Variants in ZNF385A observed in about 807,000 individuals in gnomAD.
The protein encoded by ZNF385A is hematopoietic zinc finger protein.
ZNF385A carries 14 observed loss-of-function variants against 32.1 expected under a neutral mutation model. The observed-to-expected ratio is 0.44, with a 90% CI of 0.29 to 0.68. ZNF385A has a LOEUF of 0.68. Among genes scored for constraint, ZNF385A ranks in the 30% least tolerant of loss-of-function variants. The pLI is 0.14. For synonymous variants in ZNF385A, 197 were observed against 202.7 expected, an observed-to-expected ratio of 0.97 and a Z score of 0.24; for missense variants, 406 against 478.4, an observed-to-expected ratio of 0.85 and a Z score of 1.41.
chr12:54,388,045 A>AAG (rs1491580592), upstream of ZNF385A, among the ~76,000 whole-genome samples: 4 of 91,418 alleles, frequency 4.4e-5, no homozygotes, highest in African/African-American at 1.3e-4. Context: ...AAGTGTGTGT[A>AAG]AGTGTGTGTG....
intron 3 of ZNF385A, among the ~76,000 whole-genome samples, 174 bp downstream of exon 3, chr12:54,373,799 T>C: frequency 6.6e-6 from 1 of 150,584 alleles, no homozygotes; most frequent in East Asian, 2.0e-4. Context: ...GGGGTAAGGG[T>C]GACAGGATGG....
At chr12:54,390,821 G>T (rs1260338991) in intron 1 of ZNF385A, among the ~76,000 whole-genome samples, 1 of 151,704 alleles carries the variant, frequency 6.6e-6, no homozygotes, top group African/African-American at 2.4e-5. Flanking sequence ...GAAGGATGTC[G>T]GAGTATCTAA....
chr12:54,370,163 A>T lies in ZNF385A; in HGVS notation c.*93T>A. On this transcript the variant is annotated 3_prime_UTR_variant, in exon 7 of 7. Transcript: ENST00000394313. The surrounding 1 kb of genome is among the most constrained non-coding windows in gnomAD (Gnocchi z 5.5). ...GGGGGGGGGGAAGGAGAGATCATTTAGGGAGTGCCGGGAGGAGGGGCGGGC... is the reference window on the plus strand; with the variant it reads ...GGGGGGGGGGAAGGAGAGATCATTTTGGGAGTGCCGGGAGGAGGGGCGGGC... 6 of 872,378 alleles carry T rather than the reference A, an allele frequency of 6.9e-6. No homozygotes were observed. The highest frequency in any genetic ancestry group is 9.9e-6 in the Non-Finnish European group (6 of 605,108). The allele number at this position is 872,378 out of a possible 1,614,324, so 54.0% of individuals were successfully genotyped here.
chr12:54,374,664 A>G lies in ZNF385A; in HGVS notation c.199-529T>C, dbSNP rs554907793. On this transcript the variant is annotated intron_variant, in intron 2 of 6. Transcript: ENST00000394313. ...GAAGCCTCTGTGGACACCCTGGAGG[A>G]CCCTGGCCCCGAGCCCAGCTCTGGG... 9.2e-5 allele frequency among the ~76,000 whole-genome samples: 14 copies of G among 152,144 alleles called. 2 individuals carry two copies. In the South Asian group the frequency reaches 2.9e-3, roughly 32 times the overall value.
chr12:54,384,192 T>C (rs952054820), intron 1 of ZNF385A, among the ~76,000 whole-genome samples: 2 of 152,218 alleles, frequency 1.3e-5, no homozygotes, highest in African/African-American at 4.8e-5. Flanking sequence ...ATAATTCATA[T>C]AAAACACTTA....
upstream of ZNF385A, among the ~76,000 whole-genome samples, chr12:54,388,839 T>C (rs904334217): frequency 4.6e-5 from 7 of 152,148 alleles, no homozygotes; most frequent in African/African-American, 1.7e-4. Context: ...TTTTACCAAG[T>C]TCCATGTATA....
At chr12:54,387,636 T>G (rs1955527710), upstream of ZNF385A, among the ~76,000 whole-genome samples, 1 of 152,240 alleles carries the variant, frequency 6.6e-6, no homozygotes, top group Admixed American at 6.5e-5. Flanking sequence ...CAGTCTCATT[T>G]CTCATCTGTC....
chr12:54,381,165 C>T (rs1224953044), intron 1 of ZNF385A: 1 of 139,314 alleles, frequency 7.2e-6, no homozygotes, highest in African/African-American at 2.8e-5. Flanking sequence ...CACTGCACTC[C>T]AGCCTGGGGG....
chr12:54,391,102 A>C, intron 1 of ZNF385A: 1 of 853,396 alleles, frequency 1.2e-6, no homozygotes, highest in Non-Finnish European at 1.7e-6. Context: ...AGCCAGATGA[A>C]GGGGGAGGGG....
intron 4 of ZNF385A, 92 bp from the exon 5 acceptor site, chr12:54,371,188 AG>A: frequency 1.4e-6 from 2 of 1,388,722 alleles, no homozygotes; most frequent in Non-Finnish European, 1.9e-6. Flanking sequence ...GTACAATATG[AG>A]GGGGAAGAGG....
rs1469118315 is a variant in ZNF385A at position 54,374,080 on chromosome 12, A to G, written c.254T>C (p.Ile85Thr). ...CCTGCCTCTGGTCTTGGCAGCCTCA[A>G]TGCCTTTGACTCGTCGGGCGTGGCG... ...GNRHARRVKG[I>T]EAAKTRGREP... The change falls in exon 3 of 7, where the codon ATT becomes ACT. Residue 85 changes from isoleucine (I) to threonine (T), a missense_variant. By Grantham distance (89) the Ile-to-Thr change is moderately conservative. Coordinates refer to ENST00000394313, the MANE Select transcript of ZNF385A (RefSeq NM_015481.3). 1.9e-6 allele frequency: 3 copies of G among 1,599,980 alleles called. No homozygotes were observed. The highest frequency in any genetic ancestry group is 2.7e-5 in the African/African-American group (2 of 74,510).
At chr12:54,384,995 G>T, upstream of ZNF385A, 1 of 758,910 alleles carries the variant, frequency 1.3e-6, no homozygotes, top group Non-Finnish European at 1.6e-6. Context: ...TCAAGTGGGT[G>T]ATTCATCCTA....
At chr12:54,388,399 C>G (rs1955549719), upstream of ZNF385A, among the ~76,000 whole-genome samples, 1 of 152,162 alleles carries the variant, frequency 6.6e-6, no homozygotes, top group African/African-American at 2.4e-5. Flanking sequence ...TTTCCTTTCC[C>G]TCTTCCCTAG....
At chr12:54,390,395 A>ACGGG (rs1333667328) in intron 1 of ZNF385A, among the ~76,000 whole-genome samples, 2 of 152,002 alleles carry the variant, frequency 1.3e-5, no homozygotes, top group Non-Finnish European at 2.9e-5. Flanking sequence ...GCTGTGGCTG[A>ACGGG]CGGGCTGTCA....
intron 1 of ZNF385A, among the ~76,000 whole-genome samples, chr12:54,390,174 G>T (rs1290764411): frequency 6.6e-6 from 1 of 152,100 alleles, no homozygotes; most frequent in Non-Finnish European, 1.5e-5. Flanking sequence ...GTCTAGGCCT[G>T]GTTGGGGGGC....
chr12:54,370,272 A>AGGATGGGTCCGTGCGCAGTTC lies in ZNF385A; in HGVS notation c.1064_1084dup (p.Arg355_Ile361dup). ...GGGTTGAGGTCAGTACGGGGAGAAGAGGATGGGTCCGTGCGCAGTTCGGAT... is the reference window on the plus strand; with the variant it reads ...GGGTTGAGGTCAGTACGGGGAGAAGAGGATGGGTCCGTGCGCAGTTCGGATGGGTCCGTGCGCAGTTCGGAT... On this transcript the variant is annotated inframe_insertion, in exon 7 of 7. Coordinates refer to ENST00000394313, the MANE Select transcript of ZNF385A (RefSeq NM_015481.3). This position sits in a 1 kb window ranked among gnomAD's most constrained non-coding sequence, Gnocchi z 5.5. 8.2e-6 allele frequency: 12 copies of AGGATGGGTCCGTGCGCAGTTC among 1,463,592 alleles called. No homozygotes were observed. Among genetic ancestry groups the AGGATGGGTCCGTGCGCAGTTC allele is most frequent in the Non-Finnish European group, 1.1e-5 (12 of 1,105,634 alleles). The allele number at this position is 1,463,592 out of a possible 1,614,324, so 90.7% of individuals were successfully genotyped here.
intron 1 of ZNF385A, among the ~76,000 whole-genome samples, chr12:54,378,379 C>T (rs984079804): frequency 6.6e-6 from 1 of 152,144 alleles, no homozygotes; most frequent in African/African-American, 2.4e-5. Context: ...TGGACACGGC[C>T]TCGAAAGGTC....
At position 54,370,657 on chromosome 12, in the gene ZNF385A, T is replaced by C; in HGVS notation, c.839A>G (p.His280Arg). The C allele has an allele frequency of 6.2e-7, 1 of 1,606,018 alleles. No homozygotes were observed. The highest frequency in any genetic ancestry group is 1.7e-4 in the Middle Eastern group (1 of 5,796). Residue 280 changes from histidine (H) to arginine (R), a missense_variant, in exon 6 of 7, where the codon CAC (histidine) becomes CGC (arginine). By Grantham distance (29) the His-to-Arg change is conservative. Transcript: ENST00000394313. This position sits in a 1 kb window ranked among gnomAD's most constrained non-coding sequence, Gnocchi z 5.5. The stretch of plus-strand genomic sequence containing the variant: ...CTCCCCGGCGCCCCTAGACTTCTTG[T>C]GACGGCTCAGTAGTGGGTTGGGCTT... ...AGKPNPLLSR[H>R]KKSRGAGELA...
At position 54,370,565 on chromosome 12, in the gene ZNF385A, G is replaced by T; in HGVS notation, c.870+61C>A. On this transcript the variant is annotated intron_variant, in intron 6 of 6. Coordinates refer to ENST00000394313, the MANE Select transcript of ZNF385A (RefSeq NM_015481.3). The surrounding 1 kb of genome is among the most constrained non-coding windows in gnomAD (Gnocchi z 5.5). ...CCACCTCTCCCTGGGCAAAGCCCGC[G>T]TCCCTCTCTCCTCCCCGCCCGCGCC... 1 of 1,553,684 alleles carries T rather than the reference G, an allele frequency of 6.4e-7. No individual in the cohort carries two copies.
Sources: allele counts gnomAD v4.1 joint callset (sites outside exome capture counted in the v4.1 genomes callset), GRCh38; gene constraint gnomAD v4.1.1; non-coding constraint Gnocchi (gnomAD v3.1); transcripts MANE v1.5; gene names NCBI Gene and HGNC (gene_info 2026-07-23, HGNC 2026-07-21).